Variants in SEC23IP observed in about 807,000 individuals in gnomAD.
SEC23IP encodes the protein SEC23-interacting protein.
In SEC23IP, 70 loss-of-function variants were observed where a neutral mutation model predicts 113.4. The ratio of observed to expected loss-of-function variants is 0.62; its 90% CI spans 0.51 to 0.75. The LOEUF is 0.75. Among genes scored for constraint, SEC23IP ranks in the 30% least tolerant of loss-of-function variants. SEC23IP has a pLI of 0.00. For missense variants in SEC23IP, 1,160 were observed against 1,204.9 expected (o/e 0.96, Z 0.55); for synonymous variants, 398 against 421.0 (o/e 0.95, Z 0.67).
intron 2 of SEC23IP, among the ~76,000 whole-genome samples, chr10:119,900,192 A>T (rs1192869400): frequency 6.6e-6 from 1 of 152,156 alleles, no homozygotes; most frequent in Non-Finnish European, 1.5e-5. Flanking sequence ...CAGTGCAGCT[A>T]TGAATCTCAG....
At chr10:119,901,334 CTTA>C (rs1854493554) in intron 2 of SEC23IP, among the ~76,000 whole-genome samples, 1 of 151,586 alleles carries the variant, frequency 6.6e-6, no homozygotes, top group Non-Finnish European at 1.5e-5. Flanking sequence ...TGTTTATTTA[CTTA>C]TTTTTTTTTT....
At chr10:119,898,280 AAG>A in intron 1 of SEC23IP, 145 bp from the exon 2 acceptor site, 3 of 1,297,148 alleles carry the variant, frequency 2.3e-6, no homozygotes, top group Non-Finnish European at 2.9e-6. Context: ...CAAAGAAAAA[AAG>A]AAAAAACTGT....
At chr10:119,904,530 A>G (rs1280772308) in intron 4 of SEC23IP, 7 of 401,726 alleles carry the variant, frequency 1.7e-5, no homozygotes, top group Non-Finnish European at 3.1e-5. Flanking sequence ...TCAAGCCTTC[A>G]ATAGAACCTA....
At chr10:119,901,041 G>GA (rs1222901761) in intron 2 of SEC23IP, among the ~76,000 whole-genome samples, 1 of 54,914 alleles carries the variant, frequency 1.8e-5, no homozygotes. Flanking sequence ...TTTTTTTAAA[G>GA]AGTGGGGGGG....
At chr10:119,904,036 A>G in intron 3 of SEC23IP, 48 bp from the exon 4 acceptor site, 1 of 1,586,900 alleles carries the variant, frequency 6.3e-7, no homozygotes, top group African/African-American at 1.3e-5. Flanking sequence ...TTATTATTTT[A>G]CAATATGCCT....
chr10:119,926,558 T>C (rs907885400), intron 13 of SEC23IP, among the ~76,000 whole-genome samples: 3 of 152,214 alleles, frequency 2.0e-5, no homozygotes, highest in Admixed American at 6.5e-5. Context: ...TCAGTTTCTG[T>C]GAGAGCAACT....
intron 15 of SEC23IP, among the ~76,000 whole-genome samples, chr10:119,931,499 C>T (rs1855597767): frequency 6.6e-6 from 1 of 150,822 alleles, no homozygotes; most frequent in Non-Finnish European, 1.5e-5. Flanking sequence ...TGTGTCTGGC[C>T]CCTATGTTTA....
Position 119,929,761 on chromosome 10 carries a change from C to T in SEC23IP, c.2468C>T (p.Pro823Leu), listed in dbSNP as rs190606694. The change falls in exon 14 of 19, where the codon CCG becomes CTG. Residue 823 changes from proline (P) to leucine (L), a missense_variant and splice_region_variant. Coordinates refer to ENST00000369075, the MANE Select transcript of SEC23IP (RefSeq NM_007190.4). ...AAAGGGTTCTTCAATATTTATCATC[C>T]GGTGAGTAATTGAATTTACTTTGTT... is the stretch of plus-strand genomic sequence containing the variant. ...TCKGFFNIYH[P>L]LDPVAYRLEP... is the part of the protein sequence containing the mutation. 2.9e-5 allele frequency: 45 copies of T among 1,566,420 alleles called. No individual in the cohort carries two copies. The highest frequency in any genetic ancestry group is 4.5e-5 in the East Asian group (2 of 44,656).
At chr10:119,914,019 G>C (rs1434292788) in intron 6 of SEC23IP, among the ~76,000 whole-genome samples, 1 of 152,022 alleles carries the variant, frequency 6.6e-6, no homozygotes, top group East Asian at 2.0e-4. Flanking sequence ...AATTAACTGG[G>C]CGTGGTGGTG....
intron 7 of SEC23IP, among the ~76,000 whole-genome samples, chr10:119,915,488 T>A (rs1304043589): frequency 1.3e-5 from 2 of 152,184 alleles, no homozygotes; most frequent in Admixed American, 6.5e-5. Context: ...GGTGCCACGC[T>A]ACCTCCCAGC....
At chr10:119,931,779 C>T (rs1463714661) in intron 15 of SEC23IP, among the ~76,000 whole-genome samples, 1 of 152,014 alleles carries the variant, frequency 6.6e-6, no homozygotes, top group Non-Finnish European at 1.5e-5. Context: ...GTCTCGATCT[C>T]CTGACCTCGT....
At chr10:119,906,966 G>GTT (rs575382708) in intron 4 of SEC23IP, among the ~76,000 whole-genome samples, 1 of 143,580 alleles carries the variant, frequency 7.0e-6, no homozygotes, top group Non-Finnish European at 1.5e-5. Flanking sequence ...TATATTTGAA[G>GTT]TTTTTTTTTT....
chr10:119,917,993 A>G lies in SEC23IP; in HGVS notation c.1702A>G (p.Ser568Gly). 1 of 1,614,130 alleles carries G rather than the reference A, an allele frequency of 6.2e-7. No individual in the cohort carries two copies. Among genetic ancestry groups the G allele is most frequent in the Non-Finnish European group, 8.5e-7 (1 of 1,179,990 alleles). Reference sequence around the variant, plus strand: ...AAACCATCTGCATGCACTCTTTATGAGTCGGAACCCAGACTTCAAAGGAGG... The same window carrying G: ...AAACCATCTGCATGCACTCTTTATGGGTCGGAACCCAGACTTCAAAGGAGG... ...EINHLHALFMSRNPDFKGGVS... is the reference protein window; with the variant it reads ...EINHLHALFMGRNPDFKGGVS... Residue 568 changes from serine (S) to glycine (G), a missense_variant, in exon 9 of 19, where the codon AGT (serine) becomes GGT (glycine). Transcript: ENST00000369075.
chr10:119,925,920 A>G, intron 12 of SEC23IP, 116 bp from the exon 13 acceptor site: 1 of 805,416 alleles, frequency 1.2e-6, no homozygotes, highest in Non-Finnish European at 1.9e-6. Flanking sequence ...CAATGTTGTT[A>G]CTATTCCTAA....
intron 15 of SEC23IP, among the ~76,000 whole-genome samples, chr10:119,930,983 A>G (rs1397635627): frequency 6.6e-6 from 1 of 152,190 alleles, no homozygotes; most frequent in Admixed American, 6.5e-5. Context: ...ACGCACTCTT[A>G]TGTGAAAGTG....
intron 12 of SEC23IP, 82 bp downstream of exon 12, chr10:119,921,066 C>A: frequency 2.0e-6 from 2 of 997,610 alleles, no homozygotes; most frequent in Non-Finnish European, 3.1e-6. Flanking sequence ...TTTAATACTA[C>A]TATGGTTAGG....
chr10:119,907,090 A>G (rs1854696591), intron 4 of SEC23IP, among the ~76,000 whole-genome samples: 1 of 151,160 alleles, frequency 6.6e-6, no homozygotes, highest in East Asian at 2.0e-4. Flanking sequence ...TGAGATTAGG[A>G]TTTCGAGACC....
Position 119,941,784 on chromosome 10 carries a change from TG to T in SEC23IP, c.*1220del, listed in dbSNP as rs1372769574. The T allele has an allele frequency of 6.5e-6, 1 of 152,688 alleles. No homozygotes were observed. The highest frequency in any genetic ancestry group is 2.4e-5 in the African/African-American group (1 of 41,472). 9.5% of individuals were successfully genotyped at this position (152,688 alleles called of 1,614,324 possible). ...CTTAAAAGTGTCCCCATGAACTCAGTGTTTATTCCCTTTTCATTTTGAGTAC... is the reference window on the plus strand; with the variant it reads ...CTTAAAAGTGTCCCCATGAACTCAGTTTTATTCCCTTTTCATTTTGAGTAC... On this transcript the variant is annotated 3_prime_UTR_variant, in exon 19 of 19. Coordinates refer to ENST00000369075, the MANE Select transcript of SEC23IP (RefSeq NM_007190.4).
chr10:119,902,645 ATTC>A (rs1259634474), intron 2 of SEC23IP, among the ~76,000 whole-genome samples, 151 bp from the exon 3 acceptor site: 2 of 152,204 alleles, frequency 1.3e-5, no homozygotes, highest in Non-Finnish European at 1.5e-5. Flanking sequence ...AGGTTTAAAA[ATTC>A]TTCTTAAAAT....
Sources: allele counts gnomAD v4.1 joint callset (sites outside exome capture counted in the v4.1 genomes callset), GRCh38; gene constraint gnomAD v4.1.1; transcripts MANE v1.5; gene names NCBI Gene and HGNC (gene_info 2026-07-23, HGNC 2026-07-21).